RNLS: variants seen among roughly 807,000 people sequenced by gnomAD.
RNLS encodes renalase, FAD dependent amine oxidase, also known as renalase.
RNLS carries 39 observed loss-of-function variants against 39.8 expected under a neutral mutation model. That is an observed-to-expected ratio of 0.98 (90% CI 0.76 to 1.28). The LOEUF (loss-of-function observed/expected upper bound fraction) is 1.28. Among genes scored for constraint, RNLS ranks in the 50% most tolerant of loss-of-function variants. The pLI, the probability that RNLS is intolerant of heterozygous loss-of-function variation, is 0.00. For synonymous variants in RNLS, 147 were observed against 150.7 expected, an observed-to-expected ratio of 0.98 and a Z score of 0.18; for missense variants, 410 against 413.3, an observed-to-expected ratio of 0.99 and a Z score of 0.07.
At chr10:88,202,119 T>C in the RNLS span, among the ~76,000 whole-genome samples, 1 of 151,880 alleles carries the variant, frequency 6.6e-6, no homozygotes, top group Non-Finnish European at 1.5e-5. Flanking sequence ...TATGCAGCCA[T>C]AAAAAATGAT....
the RNLS span, among the ~76,000 whole-genome samples, chr10:88,257,104 T>C: frequency 3.3e-5 from 5 of 152,134 alleles, no homozygotes; most frequent in African/African-American, 1.2e-4. Flanking sequence ...GTTTCTGGTC[T>C]CTTTCTGTGA....
intron 4 of RNLS, among the ~76,000 whole-genome samples, chr10:88,379,321 T>C (rs1411189167): frequency 6.6e-6 from 1 of 152,220 alleles, no homozygotes; most frequent in Non-Finnish European, 1.5e-5. Flanking sequence ...AATACTTTTT[T>C]CACATTCTAG....
chr10:88,342,635 TTAAAA>T (rs1367286270), intron 5 of RNLS, among the ~76,000 whole-genome samples: 1 of 151,944 alleles, frequency 6.6e-6, no homozygotes, highest in African/African-American at 2.4e-5. Context: ...TTACAGAAAA[TTAAAA>T]TATAAGTATA....
chr10:88,307,694 G>T (rs975567930), intron 6 of RNLS, among the ~76,000 whole-genome samples: 2 of 152,150 alleles, frequency 1.3e-5, no homozygotes, highest in African/African-American at 4.8e-5. Context: ...CAAACAAATG[G>T]AAAAGCATTT....
At chr10:88,381,156 A>C (rs1851464499) in intron 4 of RNLS, among the ~76,000 whole-genome samples, 1 of 152,220 alleles carries the variant, frequency 6.6e-6, no homozygotes. Context: ...ATTTCAGAAT[A>C]AACTCGCCAA....
chr10:88,271,230 A>C (rs1455870455), downstream of RNLS, among the ~76,000 whole-genome samples: 1 of 152,194 alleles, frequency 6.6e-6, no homozygotes, highest in African/African-American at 2.4e-5. Context: ...ACATCTGAGA[A>C]TATCTAGCTC....
At chr10:88,477,841 C>T (rs951153135) in intron 4 of RNLS, among the ~76,000 whole-genome samples, 1 of 152,116 alleles carries the variant, frequency 6.6e-6, no homozygotes, top group Non-Finnish European at 1.5e-5. Context: ...CTGATATGGC[C>T]CAAGTTCTGC....
intron 4 of RNLS, among the ~76,000 whole-genome samples, chr10:88,442,704 C>G (rs534561915): frequency 6.6e-6 from 1 of 152,206 alleles, no homozygotes; most frequent in Middle Eastern, 3.4e-3. Context: ...TTTCTTCTGC[C>G]TACACCACGT....
the RNLS span, among the ~76,000 whole-genome samples, chr10:88,222,527 T>C: frequency 6.6e-6 from 1 of 152,172 alleles, no homozygotes; most frequent in African/African-American, 2.4e-5. Flanking sequence ...ATAATATACC[T>C]TAGGGGTTTG....
At chr10:88,266,544 T>C in the RNLS span, among the ~76,000 whole-genome samples, 8 of 152,286 alleles carry the variant, frequency 5.3e-5, no homozygotes, top group South Asian at 2.1e-4. Flanking sequence ...TTGTAAAGTG[T>C]AGAATTATTC....
chr10:88,288,014 A>G (rs1444648585), intron 6 of RNLS, among the ~76,000 whole-genome samples: 7 of 152,154 alleles, frequency 4.6e-5, no homozygotes, highest in African/African-American at 1.7e-4. Flanking sequence ...TGGAGAGGCA[A>G]ATAACTTTCT....
At chr10:88,468,236 G>T (rs1344309188) in intron 4 of RNLS, among the ~76,000 whole-genome samples, 2 of 152,002 alleles carry the variant, frequency 1.3e-5, no homozygotes, top group Non-Finnish European at 2.9e-5. Context: ...CTCTGGGGTG[G>T]GCTCAAAGAA....
In RNLS at chr10:88,529,530, T is replaced by A. The variant is rs767746503; in HGVS notation, c.526+43373A>T. Reference sequence around the variant, plus strand: ...TTGTTATTTATTGCTCTCCCAAACATCAACACTGTTATGATTGTATATGTG... The same window carrying A: ...TTGTTATTTATTGCTCTCCCAAACAACAACACTGTTATGATTGTATATGTG... On this transcript the variant is annotated intron_variant, in intron 4 of 6. Transcript: ENST00000331772. Among the ~76,000 whole-genome samples the A allele has an allele frequency of 1.7e-4, 26 of 152,186 alleles. 1 individual carries two copies. Among genetic ancestry groups the A allele is most frequent in the Non-Finnish European group, 3.5e-4 (24 of 68,026 alleles).
chr10:88,202,746 C>A, the RNLS span, among the ~76,000 whole-genome samples: 15 of 152,218 alleles, frequency 9.9e-5, no homozygotes, highest in African/African-American at 3.6e-4. Flanking sequence ...CAGGTTCCTG[C>A]ATTATTTGCC....
At chr10:88,464,943 G>T (rs950497619) in intron 4 of RNLS, among the ~76,000 whole-genome samples, 1 of 152,082 alleles carries the variant, frequency 6.6e-6, no homozygotes, top group African/African-American at 2.4e-5. Context: ...ACAGCATGGT[G>T]CCTAAAGGTG....
chr10:88,578,829 T>C (rs1850357093), intron 3 of RNLS, among the ~76,000 whole-genome samples: 1 of 152,176 alleles, frequency 6.6e-6, no homozygotes. Context: ...TATTCAAAGA[T>C]GTTTCTCTGC....
chr10:88,344,967 T>C (rs1420802876), intron 5 of RNLS, among the ~76,000 whole-genome samples: 1 of 152,136 alleles, frequency 6.6e-6, no homozygotes, highest in African/African-American at 2.4e-5. Flanking sequence ...CTTCTCATTA[T>C]ATAAATGAGC....
At position 88,330,155 on chromosome 10, in the gene RNLS, C is replaced by A. The variant is rs117269016; in HGVS notation, c.701-15514G>T. Among the ~76,000 whole-genome samples the A allele has an allele frequency of 6.7e-3, 987 of 148,336 alleles. 7 individuals are homozygous for A. Among genetic ancestry groups the A allele is most frequent in the South Asian group, 0.027 (130 of 4,744 alleles). ...ACACACAATTTTATATTATCTCTCT[C>A]TATATATATTTCTTTATATATGTTT... On this transcript the variant is annotated intron_variant, in intron 5 of 6. Coordinates refer to ENST00000331772, the MANE Select transcript of RNLS (RefSeq NM_001031709.3).
At chr10:88,185,907 T>C in the RNLS span, among the ~76,000 whole-genome samples, 1 of 152,204 alleles carries the variant, frequency 6.6e-6, no homozygotes, top group Non-Finnish European at 1.5e-5. Context: ...TTGATTTTAC[T>C]AAGCAATTTT....
Sources: allele counts gnomAD v4.1 joint callset (sites outside exome capture counted in the v4.1 genomes callset), GRCh38; gene constraint gnomAD v4.1.1; transcripts MANE v1.5; gene names NCBI Gene and HGNC (gene_info 2026-07-23, HGNC 2026-07-21).